Variants in PTPRD observed in about 807,000 individuals in gnomAD.
The protein encoded by PTPRD is protein tyrosine phosphatase receptor type D.
PTPRD carries 34 observed loss-of-function variants against 214.5 expected under a neutral mutation model. The observed-to-expected ratio is 0.16, with a 90% CI of 0.12 to 0.21. PTPRD has a LOEUF of 0.21. Ranked by LOEUF, PTPRD falls within the 10% of genes least tolerant of loss-of-function variation. PTPRD has a pLI of 1.00. For synonymous variants in PTPRD, 1,128 were observed against 845.7 expected (o/e 1.33, Z -5.79); for missense variants, 2,545 against 2,398.7 (o/e 1.06, Z -1.27).
At chr9:9,212,314 C>T (rs1463641446) in intron 9 of PTPRD, among the ~76,000 whole-genome samples, 1 of 152,114 alleles carries the variant, frequency 6.6e-6, no homozygotes, top group Non-Finnish European at 1.5e-5. Flanking sequence ...CACTAATACA[C>T]ATCAAATGTC....
intron 8 of PTPRD, among the ~76,000 whole-genome samples, chr9:9,477,955 A>G (rs2146920976): frequency 6.6e-6 from 1 of 152,300 alleles, no homozygotes; most frequent in African/African-American, 2.4e-5. Flanking sequence ...TATCTTCTAA[A>G]AGCCACCCAG....
chr9:8,466,895 G>C (rs2096555141), intron 31 of PTPRD, among the ~76,000 whole-genome samples: 1 of 151,738 alleles, frequency 6.6e-6, no homozygotes, highest in African/African-American at 2.4e-5. Context: ...TAGAATGAGA[G>C]CCTGGCATGA....
chr9:9,920,217 G>C (rs2082170158), intron 5 of PTPRD, among the ~76,000 whole-genome samples: 1 of 152,084 alleles, frequency 6.6e-6, no homozygotes. Flanking sequence ...TTAGAAAACA[G>C]AACAGTTTGT....
intron 2 of PTPRD, among the ~76,000 whole-genome samples, chr9:10,402,654 C>G (rs2098288725): frequency 6.6e-6 from 1 of 151,662 alleles, no homozygotes; most frequent in South Asian, 2.1e-4. Flanking sequence ...ACTGAAGAAA[C>G]TAAACTAAAT....
At chr9:10,301,319 C>G (rs1030429735) in intron 3 of PTPRD, among the ~76,000 whole-genome samples, 3 of 152,072 alleles carry the variant, frequency 2.0e-5, no homozygotes, top group Non-Finnish European at 2.9e-5. Flanking sequence ...GAGAAACCAG[C>G]ACAAAAAGGC....
At chr9:9,933,935 T>G (rs1255586631) in intron 5 of PTPRD, among the ~76,000 whole-genome samples, 1 of 142,574 alleles carries the variant, frequency 7.0e-6, no homozygotes, top group South Asian at 2.3e-4. Flanking sequence ...CACTCAAAGC[T>G]GCTCAACTAC....
chr9:9,429,100 C>A (rs1044889379), intron 8 of PTPRD, among the ~76,000 whole-genome samples: 7 of 151,990 alleles, frequency 4.6e-5, no homozygotes, highest in South Asian at 2.1e-4. Flanking sequence ...CTTCAAAAAT[C>A]AATGAATCCA....
At position 8,858,796 on chromosome 9, in the gene PTPRD, AACAC is replaced by A. The variant is rs71317379; in HGVS notation, c.-103-124854_-103-124851del. Among the ~76,000 whole-genome samples the A allele has an allele frequency of 3.6e-3, 510 of 141,814 alleles. 6 individuals are homozygous for A. The East Asian group carries it at 0.042, about 12-fold the overall frequency. The allele number at this position is 141,814 out of a possible 152,430, so 93.0% of individuals were successfully genotyped here. On this transcript the variant is annotated intron_variant, in intron 11 of 45. Coordinates refer to ENST00000381196, the MANE Select transcript of PTPRD (RefSeq NM_002839.4). ...GGCAGGAGAGGTGGGTGAAGGAGGC[AACAC>A]ACACACACACACACACACACACACA...
chr9:9,460,351 G>C (rs1028896886), intron 8 of PTPRD, among the ~76,000 whole-genome samples: 1 of 151,824 alleles, frequency 6.6e-6, no homozygotes, highest in Non-Finnish European at 1.5e-5. Flanking sequence ...TTATACAAAA[G>C]AGCTTCTGTT....
At chr9:9,920,089 T>C (rs10816234) in intron 5 of PTPRD, among the ~76,000 whole-genome samples, 11,975 of 152,170 alleles carry the variant, frequency 0.079, 959 homozygotes, top group African/African-American at 0.2. Flanking sequence ...CTTAGACATG[T>C]TTTAAGTTTT....
At chr9:9,769,790 T>C (rs1195461372) in intron 5 of PTPRD, among the ~76,000 whole-genome samples, 2 of 151,934 alleles carry the variant, frequency 1.3e-5, no homozygotes, top group Non-Finnish European at 2.9e-5. Context: ...CCCCGGTGTG[T>C]GATGTTCCCC....
intron 11 of PTPRD, among the ~76,000 whole-genome samples, chr9:8,848,958 A>T (rs1249409055): frequency 8.0e-6 from 1 of 125,712 alleles, no homozygotes; most frequent in African/African-American, 2.9e-5. Flanking sequence ...GCATATAATA[A>T]ATGCTCAGTA....
chr9:9,800,148 G>C (rs1164135670), intron 5 of PTPRD, among the ~76,000 whole-genome samples: 2 of 152,060 alleles, frequency 1.3e-5, no homozygotes, highest in African/African-American at 2.4e-5. Context: ...ACACTCTTTT[G>C]GGATTATCTT....
intron 3 of PTPRD, among the ~76,000 whole-genome samples, chr9:10,118,196 T>TTATCTATCTATCTATCTATC (rs56038500): frequency 2.7e-5 from 4 of 148,828 alleles, no homozygotes; most frequent in Non-Finnish European, 3.0e-5. Context: ...CTCACATTTA[T>TTATCTATCTATCTATCTATC]TATCTATCTA....
chr9:9,368,700 G>C (rs1596475357), intron 9 of PTPRD, among the ~76,000 whole-genome samples: 1 of 151,768 alleles, frequency 6.6e-6, no homozygotes, highest in Non-Finnish European at 1.5e-5. Context: ...ACCTAGGGTA[G>C]GAAAAATATT....
intron 14 of PTPRD, among the ~76,000 whole-genome samples, chr9:8,621,389 A>T (rs556622547): frequency 9.2e-5 from 14 of 152,006 alleles, no homozygotes; most frequent in South Asian, 6.2e-4. Context: ...TTTAATTTTT[A>T]AAAAAAATTT....
rs143880751 is a variant in PTPRD at position 9,728,050 on chromosome 9, A to G, written c.-287+6483T>C. Among the ~76,000 whole-genome samples the G allele has an allele frequency of 8.1e-4, 124 of 152,240 alleles. 2 individuals carry two copies. The highest frequency in any genetic ancestry group is 2.9e-3 in the African/African-American group (120 of 41,540). On this transcript the variant is annotated intron_variant, in intron 7 of 45. Transcript: ENST00000381196. ...CCCCATACAGTTCTTGTGGTAGTGA[A>G]TAAGTCTCATGCGATCTGACGGCTT...
At chr9:9,981,863 C>T (rs190431317) in intron 4 of PTPRD, among the ~76,000 whole-genome samples, 3 of 152,204 alleles carry the variant, frequency 2.0e-5, no homozygotes, top group African/African-American at 7.2e-5. Context: ...TAATATCTGT[C>T]TCTTTCTTTT....
intron 34 of PTPRD, among the ~76,000 whole-genome samples, chr9:8,444,692 T>C (rs962281250): frequency 2.0e-5 from 3 of 152,216 alleles, no homozygotes; most frequent in Admixed American, 1.3e-4. Flanking sequence ...ACAATCTATA[T>C]GCAATGATTG....
Sources: allele counts gnomAD v4.1 joint callset (sites outside exome capture counted in the v4.1 genomes callset), GRCh38; gene constraint gnomAD v4.1.1; transcripts MANE v1.5; gene names NCBI Gene and HGNC (gene_info 2026-07-23, HGNC 2026-07-21).